Variants in ASB2 observed in about 807,000 individuals in gnomAD.
ASB2 encodes ankyrin repeat and SOCS box protein 2.
ASB2 carries 58 observed loss-of-function variants against 62.4 expected under a neutral mutation model. That is an observed-to-expected ratio of 0.93 (90% CI 0.75 to 1.16). The LOEUF (loss-of-function observed/expected upper bound fraction) is 1.16, where lower values mean the gene tolerates loss of function less well. Ranked by LOEUF, ASB2 falls within the 50% of genes most tolerant of loss-of-function variation. The pLI is 0.00. For missense variants in ASB2, 928 were observed against 887.9 expected, an observed-to-expected ratio of 1.05 and a Z score of -0.57; for synonymous variants, 386 against 385.3, an observed-to-expected ratio of 1.00 and a Z score of -0.02.
chr14:93,957,314 T>C (rs1220492852), intron 2 of ASB2: 5 of 1,067,402 alleles, frequency 4.7e-6, no homozygotes, highest in South Asian at 3.3e-5. Context: ...AAGCAGAGGA[T>C]AGGGGAGCAA....
rs769286546 is a variant in ASB2, at chr14:93,950,999, C to A, written c.880G>T (p.Gly294Cys). ...LEALRFLAKY[G>C]ADINTQASDN... ...GACCTAGGGACCCTTAGCCACTCAC[C>A]GTACTTGGCTAAGAACCTCAAGGCC... Residue 294 changes from glycine to cysteine, a missense_variant and splice_region_variant, in exon 6 of 10, where the codon GGT becomes TGT. Physicochemically the swap from Gly to Cys is radical, Grantham distance 159. Transcript: ENST00000555019. 1.2e-6 allele frequency: 2 copies of A among 1,612,336 alleles called. No individual in the cohort carries two copies. The highest frequency in any genetic ancestry group is 1.1e-5 in the South Asian group (1 of 90,802).
chr14:93,966,019 C>A (rs766706589), intron 1 of ASB2, among the ~76,000 whole-genome samples: 1 of 152,226 alleles, frequency 6.6e-6, no homozygotes, highest in Admixed American at 6.5e-5. Flanking sequence ...TCTGGGAAGC[C>A]GACCCAGATC....
chr14:93,971,890 A>G (rs1889764758), intron 1 of ASB2, among the ~76,000 whole-genome samples: 1 of 151,966 alleles, frequency 6.6e-6, no homozygotes, highest in South Asian at 2.1e-4. Context: ...CCAGAATCAA[A>G]CTGAAGACTA....
At chr14:93,954,972 C>T (rs530956450) in intron 3 of ASB2, 52 of 444,936 alleles carry the variant, frequency 1.2e-4, no homozygotes, top group African/African-American at 8.7e-4. Flanking sequence ...AAATTTGAAG[C>T]CTTCACAGTT....
At chr14:93,967,084 G>A (rs781036097) in intron 1 of ASB2, among the ~76,000 whole-genome samples, 9 of 152,196 alleles carry the variant, frequency 5.9e-5, no homozygotes, top group Non-Finnish European at 8.8e-5. Context: ...AGCCATGAGC[G>A]CCTCTCTTCC....
chr14:93,968,213 C>T (rs1050303264), intron 1 of ASB2: 2 of 152,208 alleles, frequency 1.3e-5, no homozygotes, highest in African/African-American at 4.8e-5. Flanking sequence ...TTACCAGGCC[C>T]TTCCCAAGCC....
At chr14:93,960,685 C>A (rs955073000) in intron 2 of ASB2, among the ~76,000 whole-genome samples, 1 of 152,254 alleles carries the variant, frequency 6.6e-6, no homozygotes, top group East Asian at 1.9e-4. Flanking sequence ...AAATGATCCT[C>A]ATTTGATCCT....
Position 93,939,075 on chromosome 14 carries a change from G to T in ASB2, c.1617+33C>A, listed in dbSNP as rs1363876551. The T allele has an allele frequency of 3.5e-6, 5 of 1,428,368 alleles. No individual in the cohort carries two copies. In the South Asian group the frequency reaches 7.4e-5, roughly 21 times the overall value. The allele number at this position is 1,428,368 out of a possible 1,614,324, so 88.5% of individuals were successfully genotyped here. A position where few individuals can be genotyped will look rare whatever the true frequency, so the allele number is the denominator to read the frequency against. On this transcript the variant is annotated intron_variant, in intron 8 of 9. Coordinates refer to ENST00000555019, the MANE Select transcript of ASB2 (RefSeq NM_001202429.2). ...CGCGTCCCTGGGCCACACCCAAAAG[G>T]CGTGCTCCCCACCGCCAGCGTGCGC...
At chr14:93,976,203 G>C (rs1446533633) in intron 1 of ASB2, among the ~76,000 whole-genome samples, 1 of 152,230 alleles carries the variant, frequency 6.6e-6, no homozygotes, top group East Asian at 1.9e-4. Context: ...TTCTGAGCCA[G>C]AGTCCTCCAG....
At chr14:93,956,460 T>C (rs1019039480) in intron 3 of ASB2, among the ~76,000 whole-genome samples, 1 of 152,058 alleles carries the variant, frequency 6.6e-6, no homozygotes, top group African/African-American at 2.4e-5. Flanking sequence ...TCGTGCTGGG[T>C]CCCCAGTTTC....
In ASB2 at chr14:93,954,375, C is replaced by T; in HGVS notation, c.420G>A (p.Leu140=). 1 of 1,613,982 alleles carries T rather than the reference C, an allele frequency of 6.2e-7. No individual in the cohort carries two copies. Reference sequence around the variant, plus strand: ...CATAGTATGCGGCCTCGTGCAGCGGCAGCCAGCCCTCCTTGTTGGGCTCTG... The same window carrying T: ...CATAGTATGCGGCCTCGTGCAGCGGTAGCCAGCCCTCCTTGTTGGGCTCTG... ...NLAEPNKEGW[L]PLHEAAYYGQ... Residue 140 remains leucine (L), a synonymous_variant, in exon 4 of 10, where the codon CTG becomes CTA. Transcript: ENST00000555019.
intron 7 of ASB2, chr14:93,941,459 T>C: frequency 8.5e-6 from 3 of 352,604 alleles, no homozygotes; most frequent in South Asian, 4.2e-5. Context: ...GAAAGTATTA[T>C]GATTGTTAGT....
At chr14:93,942,294 A>G in intron 7 of ASB2, 1 of 456,032 alleles carries the variant, frequency 2.2e-6, no homozygotes, top group South Asian at 1.5e-5. Flanking sequence ...AGGTGTCTGG[A>G]AGAATGGCCC....
Position 93,939,384 on chromosome 14 carries a change from C to T in ASB2, c.1341G>A (p.Val447=). Residue 447 remains valine, a synonymous_variant, in exon 8 of 10, where the codon GTG becomes GTA. Transcript: ENST00000555019. ...PNRDVISPLL[V]AIRHGCLRTM... ...TGCGCAGGCAGCCGTGGCGGATGGCCACGAGCAAGGGGCTGATGACGTCGC... is the reference window on the plus strand; with the variant it reads ...TGCGCAGGCAGCCGTGGCGGATGGCTACGAGCAAGGGGCTGATGACGTCGC... 1 of 1,612,842 alleles carries T rather than the reference C, an allele frequency of 6.2e-7. No homozygotes were observed. Among genetic ancestry groups the T allele is most frequent in the South Asian group, 1.1e-5 (1 of 91,048 alleles).
intron 1 of ASB2, among the ~76,000 whole-genome samples, chr14:93,966,855 T>C (rs1466822832): frequency 6.6e-6 from 1 of 152,176 alleles, no homozygotes; most frequent in Non-Finnish European, 1.5e-5. Flanking sequence ...TCTGGTGATG[T>C]TAGTGTGTGG....
chr14:93,950,861 C>T (rs1311177990), intron 6 of ASB2, 138 bp downstream of exon 6: 7 of 994,284 alleles, frequency 7.0e-6, no homozygotes, highest in East Asian at 2.4e-5. Context: ...CTCAACACAG[C>T]ACTCTAGGAG....
intron 9 of ASB2, among the ~76,000 whole-genome samples, chr14:93,937,365 G>T (rs916953468): frequency 2.6e-5 from 4 of 152,102 alleles, no homozygotes; most frequent in Non-Finnish European, 5.9e-5. Flanking sequence ...ATGCCTCTTG[G>T]TGGCCCCAAA....
At chr14:93,963,459 A>G (rs1200599555) in intron 2 of ASB2, among the ~76,000 whole-genome samples, 3 of 152,132 alleles carry the variant, frequency 2.0e-5, no homozygotes, top group Non-Finnish European at 1.5e-5. Flanking sequence ...GCATTTTGAG[A>G]TCAATCACCG....
At chr14:93,956,729 A>T in intron 3 of ASB2, 37 bp downstream of exon 3, 1 of 1,612,812 alleles carries the variant, frequency 6.2e-7, no homozygotes, top group Non-Finnish European at 8.5e-7. Flanking sequence ...AGCGGAGTGA[A>T]CTTGGATGGT....
Sources: allele counts gnomAD v4.1 joint callset (sites outside exome capture counted in the v4.1 genomes callset), GRCh38; gene constraint gnomAD v4.1.1; transcripts MANE v1.5; gene names NCBI Gene and HGNC (gene_info 2026-07-23, HGNC 2026-07-21).